RASGRF1: variants seen among roughly 807,000 people sequenced by gnomAD.
RASGRF1 encodes ras-specific guanine nucleotide-releasing factor 1.
Under a neutral mutation model 138.7 loss-of-function variants are expected in RASGRF1, and 40 were observed. That is an observed-to-expected ratio of 0.29 (90% CI 0.22 to 0.38). The LOEUF (loss-of-function observed/expected upper bound fraction) is 0.38. Among genes scored for constraint, RASGRF1 ranks in the 10% least tolerant of loss-of-function variants. The pLI is 1.00. For missense variants in RASGRF1, 1,108 were observed against 1,650.4 expected (o/e 0.67, Z 5.69); for synonymous variants, 614 against 663.2 (o/e 0.93, Z 1.14).
intron 10 of RASGRF1, among the ~76,000 whole-genome samples, chr15:79,024,709 C>T (rs575653165): frequency 4.1e-4 from 62 of 152,200 alleles, no homozygotes; most frequent in Non-Finnish European, 7.8e-4. Context: ...GCCTTTGCTC[C>T]TCCTTTGCCT....
intron 19 of RASGRF1, 180 bp downstream of exon 19, chr15:78,997,916 A>G: frequency 1.7e-6 from 1 of 596,656 alleles, no homozygotes; most frequent in South Asian, 2.0e-5. Flanking sequence ...GGACAAATAG[A>G]CTACCCAGCC....
intron 11 of RASGRF1, among the ~76,000 whole-genome samples, chr15:79,019,182 G>A (rs1165479838): frequency 1.3e-5 from 2 of 152,124 alleles, no homozygotes; most frequent in Non-Finnish European, 2.9e-5. Flanking sequence ...CCCACCCCAG[G>A]AGGCCCAGTC....
chr15:79,028,022 G>T (rs1042680601), intron 8 of RASGRF1, among the ~76,000 whole-genome samples, 163 bp from the exon 9 acceptor site: 11 of 152,180 alleles, frequency 7.2e-5, no homozygotes, highest in Non-Finnish European at 1.2e-4. Context: ...TTTACTGAGT[G>T]CCTGCTGCAT....
intron 13 of RASGRF1, among the ~76,000 whole-genome samples, chr15:79,009,010 C>T (rs908831603): frequency 2.6e-5 from 4 of 152,136 alleles, no homozygotes; most frequent in Non-Finnish European, 5.9e-5. Flanking sequence ...AGTGATGACA[C>T]CTCTGTCATC....
chr15:78,995,627 T>G, intron 20 of RASGRF1, 113 bp downstream of exon 20: 1 of 1,330,396 alleles, frequency 7.5e-7, no homozygotes, highest in Non-Finnish European at 1.1e-6. Flanking sequence ...TGTGGTATTT[T>G]TTCACAACAG....
chr15:79,021,469 G>T (rs2056960116), intron 10 of RASGRF1, among the ~76,000 whole-genome samples: 1 of 152,222 alleles, frequency 6.6e-6, no homozygotes, highest in South Asian at 2.1e-4. Flanking sequence ...ATGTCACTGA[G>T]CTTGATCATT....
intron 4 of RASGRF1, 80 bp from the exon 5 acceptor site, chr15:79,047,079 A>G: frequency 6.5e-7 from 1 of 1,540,416 alleles, no homozygotes; most frequent in East Asian, 2.3e-5. Context: ...TGAGCTCCCC[A>G]AGGGTAGGAA....
At chr15:79,087,727 A>G (rs1012599887) in intron 1 of RASGRF1, among the ~76,000 whole-genome samples, 8 of 152,366 alleles carry the variant, frequency 5.3e-5, no homozygotes, top group Admixed American at 2.0e-4. Flanking sequence ...TTTTACTCAA[A>G]GATTGAGAAA....
At chr15:79,081,838 A>T (rs1012830058) in intron 1 of RASGRF1, among the ~76,000 whole-genome samples, 8 of 152,200 alleles carry the variant, frequency 5.3e-5, no homozygotes, top group African/African-American at 1.9e-4. Flanking sequence ...AAGGCTGTCA[A>T]TGGAGTGTTA....
intron 19 of RASGRF1, among the ~76,000 whole-genome samples, chr15:78,996,972 C>A (rs1030363808): frequency 6.6e-6 from 1 of 152,168 alleles, no homozygotes; most frequent in Non-Finnish European, 1.5e-5. Context: ...GGGCCCAAGC[C>A]CTCACACCTG....
Position 78,973,289 on chromosome 15 carries a change from T to G in RASGRF1, c.3612+14A>C. ...CAACGCCCCCCTTCCCCTGCCTGGC[T>G]GGGGGGAACGCACCATCCTCATCTT... On this transcript the variant is annotated intron_variant, in intron 25 of 26. Transcript: ENST00000558480. The surrounding 1 kb of genome is among the most constrained non-coding windows in gnomAD (Gnocchi z 4.9). 2 of 1,576,078 alleles carry G rather than the reference T, an allele frequency of 1.3e-6. No homozygotes were observed. The highest frequency in any genetic ancestry group is 1.7e-6 in the Non-Finnish European group (2 of 1,150,248).
rs1384033456 is a variant in RASGRF1, at chr15:79,025,470, G to A, written c.1386C>T (p.Ser462=). The stretch of plus-strand genomic sequence containing the variant: ...TTTCAGACATGGGCACCTGAATGAG[G>A]GAACCTGTGGGTGGAGGAGAGAGAC... ...DTSQTFVRQG[S]LIQVPMSEKG... is the part of the protein sequence containing the mutation. The change falls in exon 10 of 27, where the codon TCC becomes TCT. Residue 462 remains serine (S), a synonymous_variant. Coordinates refer to ENST00000558480, the MANE Select transcript of RASGRF1 (RefSeq NM_001145648.3). The A allele has an allele frequency of 1.9e-6, 3 of 1,612,030 alleles. No individual in the cohort carries two copies. Among genetic ancestry groups the A allele is most frequent in the East Asian group, 4.5e-5 (2 of 44,846 alleles).
At chr15:79,034,989 C>A in intron 6 of RASGRF1, 142 bp downstream of exon 6, 1 of 596,692 alleles carries the variant, frequency 1.7e-6, no homozygotes, top group East Asian at 3.0e-5. Context: ...TGTCTTTTCT[C>A]TTCTGCCCCC....
At chr15:78,995,928 AC>A in intron 19 of RASGRF1, 128 bp from the exon 20 acceptor site, 2 of 846,586 alleles carry the variant, frequency 2.4e-6, no homozygotes, top group Non-Finnish European at 3.8e-6. Context: ...TGCCAGGAGC[AC>A]CCTTTCCCCT....
intron 1 of RASGRF1, among the ~76,000 whole-genome samples, chr15:79,071,435 T>C (rs2057754044): frequency 6.6e-6 from 1 of 151,630 alleles, no homozygotes; most frequent in Non-Finnish European, 1.5e-5. Context: ...TCTCTGCTCA[T>C]TGCAACCTCC....
chr15:79,005,559 A>G (rs2056651871), intron 14 of RASGRF1: 52 of 985,884 alleles, frequency 5.3e-5, no homozygotes, highest in Non-Finnish European at 6.1e-5. Flanking sequence ...CTACTGCTGG[A>G]CAGCCTTGGC....
intron 18 of RASGRF1, 95 bp from the exon 19 acceptor site, chr15:78,998,303 A>T (rs1015249873): frequency 1.5e-5 from 16 of 1,083,506 alleles, no homozygotes; most frequent in Non-Finnish European, 2.8e-6. Flanking sequence ...TCCAGTTTCT[A>T]TTCTGCCCAG....
intron 4 of RASGRF1, 105 bp downstream of exon 4, chr15:79,049,391 G>A (rs1197454304): frequency 8.7e-6 from 9 of 1,031,358 alleles, no homozygotes; most frequent in East Asian, 2.6e-5. Flanking sequence ...GGGATGGGGG[G>A]CACGCTCTGA....
In RASGRF1 at chr15:78,973,997, G is replaced by C. The variant is rs76064272; in HGVS notation, c.3495-577C>G. Among the ~76,000 whole-genome samples, 1,572 of 152,322 alleles carry C rather than the reference G, an allele frequency of 0.01. 13 individuals are homozygous for C. Among genetic ancestry groups the C allele is most frequent in the Non-Finnish European group, 0.014 (953 of 68,026 alleles). The stretch of plus-strand genomic sequence containing the variant: ...CCTTGCTCTCTGAGATCACTTTCCT[G>C]AAAGTGGCTTTGGGGCAGGGGGTTG... On this transcript the variant is annotated intron_variant, in intron 24 of 26. Coordinates refer to ENST00000558480, the MANE Select transcript of RASGRF1 (RefSeq NM_001145648.3). The surrounding 1 kb of genome is among the most constrained non-coding windows in gnomAD (Gnocchi z 4.9).
Sources: gnomAD v4.1 joint callset for allele counts (sites outside exome capture counted in the v4.1 genomes callset) on GRCh38, gnomAD v4.1.1 for gene constraint, Gnocchi (gnomAD v3.1) non-coding constraint, MANE v1.5 for transcripts, NCBI Gene and HGNC (gene_info 2026-07-23, HGNC 2026-07-21) for gene names.